SOCS5: variants seen among roughly 807,000 people sequenced by gnomAD.
SOCS5 encodes the protein suppressor of cytokine signaling 5.
SOCS5 carries 32 observed loss-of-function variants against 42.8 expected under a neutral mutation model. That is an observed-to-expected ratio of 0.75 (90% CI 0.56 to 1.01). The LOEUF (loss-of-function observed/expected upper bound fraction) is 1.01. Ranked by LOEUF, SOCS5 falls within the 50% of genes least tolerant of loss-of-function variation. SOCS5 has a pLI of 0.00. For synonymous variants in SOCS5, 283 were observed against 229.6 expected (o/e 1.23, Z -2.10); for missense variants, 627 against 653.0 (o/e 0.96, Z 0.43).
At chr2:46,732,875 A>T (rs1259974396) in intron 1 of SOCS5, among the ~76,000 whole-genome samples, 2 of 152,042 alleles carry the variant, frequency 1.3e-5, no homozygotes, top group African/African-American at 4.8e-5. Context: ...GGGCCATGCG[A>T]GTTAGTCTTT....
intron 1 of SOCS5, among the ~76,000 whole-genome samples, chr2:46,715,792 A>G (rs1345032332): frequency 2.0e-5 from 3 of 152,106 alleles, no homozygotes; most frequent in African/African-American, 7.2e-5. Context: ...GCTTTTTGGA[A>G]GTTTATTGAG....
chr2:46,737,238 A>T (rs1232760675), intron 1 of SOCS5, among the ~76,000 whole-genome samples: 1 of 152,186 alleles, frequency 6.6e-6, no homozygotes, highest in African/African-American at 2.4e-5. Flanking sequence ...AGATTTTAAG[A>T]GTCTCTTAAT....
chr2:46,708,371 A>AT (rs1394052931), intron 1 of SOCS5, among the ~76,000 whole-genome samples: 2 of 152,188 alleles, frequency 1.3e-5, no homozygotes, highest in East Asian at 3.8e-4. Flanking sequence ...ACTGAGTTTA[A>AT]TTTCAGATAA....
At position 46,759,474 on chromosome 2, in the gene SOCS5, C is replaced by T; in HGVS notation, c.944C>T (p.Ser315Phe). ...ATGACTGAAATAAGTGGGGACAGTTCTGCAATTCCACAAGCTAATTGTGAC... is the reference window on the plus strand; with the variant it reads ...ATGACTGAAATAAGTGGGGACAGTTTTGCAATTCCACAAGCTAATTGTGAC... ...PGMTEISGDS[S>F]AIPQANCDSE... Residue 315 changes from serine to phenylalanine, a missense_variant, in exon 2 of 2, where the codon TCT (serine) becomes TTT (phenylalanine). Physicochemically the swap from Ser to Phe is radical, Grantham distance 155. Transcript: ENST00000394861. 1.9e-6 allele frequency: 3 copies of T among 1,614,010 alleles called. No homozygotes were observed. The highest frequency in any genetic ancestry group is 1.7e-6 in the Non-Finnish European group (2 of 1,179,864).
intron 1 of SOCS5, among the ~76,000 whole-genome samples, chr2:46,717,763 AG>A (rs1336784312): frequency 6.6e-6 from 1 of 152,196 alleles, no homozygotes; most frequent in Non-Finnish European, 1.5e-5. Flanking sequence ...CTGTGTTGAA[AG>A]CATGGGGTAT....
At chr2:46,713,417 G>A (rs913412574) in intron 1 of SOCS5, among the ~76,000 whole-genome samples, 5 of 152,084 alleles carry the variant, frequency 3.3e-5, no homozygotes, top group African/African-American at 1.2e-4. Context: ...TTGGTAATTT[G>A]CATTTTGGAG....
At chr2:46,756,359 G>A (rs908274508) in intron 1 of SOCS5, among the ~76,000 whole-genome samples, 5 of 152,166 alleles carry the variant, frequency 3.3e-5, no homozygotes, top group Non-Finnish European at 7.4e-5. Flanking sequence ...AAAGGGGCTA[G>A]ATAGAAAATA....
chr2:46,705,521 T>C (rs1447583603), intron 1 of SOCS5, among the ~76,000 whole-genome samples: 3 of 151,924 alleles, frequency 2.0e-5, no homozygotes, highest in East Asian at 3.8e-4. Context: ...GTTTGTTTTT[T>C]CCTAGATTAC....
chr2:46,709,874 T>A (rs1672578185), intron 1 of SOCS5, among the ~76,000 whole-genome samples: 1 of 152,202 alleles, frequency 6.6e-6, no homozygotes, highest in East Asian at 1.9e-4. Context: ...TAAAATCCCT[T>A]GTATCTTTTT....
rs1255846174 is a variant in SOCS5 at position 46,758,996 on chromosome 2, T to A, written c.466T>A (p.Tyr156Asn). The A allele has an allele frequency of 6.2e-7, 1 of 1,613,990 alleles. No individual in the cohort carries two copies. Among genetic ancestry groups the A allele is most frequent in the South Asian group, 1.1e-5 (1 of 91,082 alleles). ...TGGACTTCAAAGGAGAGAGAGGCGC[T>A]ACGGCGTAAGTTCTGTACACGACAT... ...RSGLQRRERRYGVSSVHDMDS... is the reference protein window; with the variant it reads ...RSGLQRRERRNGVSSVHDMDS... The change falls in exon 2 of 2, where the codon TAC becomes AAC. Residue 156 changes from tyrosine (Y) to asparagine (N), a missense_variant. Around this residue, in one of 3 missense-constraint regions of SOCS5, gnomAD observed 278 missense variants for 246.3 expected, o/e 1.13. Transcript: ENST00000394861.
At chr2:46,703,738 T>G (rs747216819) in intron 1 of SOCS5, among the ~76,000 whole-genome samples, 1 of 152,222 alleles carries the variant, frequency 6.6e-6, no homozygotes, top group Non-Finnish European at 1.5e-5. Flanking sequence ...AATTACTTTC[T>G]TAGTTTCAGT....
At chr2:46,751,282 G>C (rs1365912543) in intron 1 of SOCS5, among the ~76,000 whole-genome samples, 1 of 151,928 alleles carries the variant, frequency 6.6e-6, no homozygotes, top group Admixed American at 6.6e-5. Context: ...CTTTTTTCCA[G>C]AGTTTTATTT....
At position 46,759,221 on chromosome 2, in the gene SOCS5, C is replaced by T. The variant is rs1162452551; in HGVS notation, c.691C>T (p.His231Tyr). 3.7e-6 allele frequency: 6 copies of T among 1,613,670 alleles called. No homozygotes were observed. The highest frequency in any genetic ancestry group is 5.1e-6 in the Non-Finnish European group (6 of 1,179,788). Residue 231 changes from histidine to tyrosine, a missense_variant, in exon 2 of 2, where the codon CAT becomes TAT. This residue lies in a region of SOCS5 where 9 missense variants were observed against 39.1 expected (regional missense o/e 0.23). Transcript: ENST00000394861. ...TGGCTCAGATTTAGCCCAAAAATGG[C>T]ATTTGATTAAACAGCATACAGCTCC... ...PAGSDLAQKWHLIKQHTAPVS... is the reference protein window; with the variant it reads ...PAGSDLAQKWYLIKQHTAPVS...
intron 1 of SOCS5, among the ~76,000 whole-genome samples, chr2:46,744,614 G>T (rs1169303783): frequency 6.7e-6 from 1 of 150,126 alleles, no homozygotes; most frequent in African/African-American, 2.5e-5. Flanking sequence ...TGCAACCTCT[G>T]CCTCCCAGGT....
rs1329160392 is a variant in SOCS5 at position 46,726,304 on chromosome 2, G to T, written c.-13+26855G>T. On this transcript the variant is annotated intron_variant, in intron 1 of 1. Coordinates refer to ENST00000394861, the MANE Select transcript of SOCS5 (RefSeq NM_144949.3). ...GTAGAGACGTGGTTTCACCATACTG[G>T]CCAGACTGATCTAAAACTCCTAACC... Among the ~76,000 whole-genome samples the T allele has an allele frequency of 2.0e-5, 3 of 151,884 alleles. No homozygotes were observed. The East Asian group carries it at 5.8e-4, about 29-fold the overall frequency.
chr2:46,702,309 AG>A (rs570486200), intron 1 of SOCS5, among the ~76,000 whole-genome samples: 1 of 152,336 alleles, frequency 6.6e-6, no homozygotes, highest in South Asian at 2.1e-4. Flanking sequence ...CTCTTTGGTA[AG>A]GGGGTACTTG....
rs182408415 is a variant in SOCS5, at chr2:46,710,046, A to G, written c.-13+10597A>G. 9.8e-5 allele frequency among the ~76,000 whole-genome samples: 15 copies of G among 152,338 alleles called. No homozygotes were observed. The East Asian group carries it at 2.9e-3, about 29-fold the overall frequency. ...GCAAGGGTTCAAGTGATTCTGATAT[A>G]TGTAGTCCTCAGACCAAAGTTTAGG... On this transcript the variant is annotated intron_variant, in intron 1 of 1. Coordinates refer to ENST00000394861, the MANE Select transcript of SOCS5 (RefSeq NM_144949.3).
intron 1 of SOCS5, among the ~76,000 whole-genome samples, chr2:46,715,205 T>C (rs1406139205): frequency 6.6e-6 from 1 of 151,602 alleles, no homozygotes; most frequent in Non-Finnish European, 1.5e-5. Context: ...ACAGTATCTA[T>C]AAAAAAATAA....
chr2:46,748,939 G>A (rs1673566264), intron 1 of SOCS5, among the ~76,000 whole-genome samples: 2 of 152,128 alleles, frequency 1.3e-5, no homozygotes, highest in South Asian at 4.1e-4. Flanking sequence ...CCTAATCAGA[G>A]ACTCTTTTCT....
Sources: gnomAD v4.1 joint callset for allele counts (sites outside exome capture counted in the v4.1 genomes callset) on GRCh38, gnomAD v4.1.1 for gene constraint, gnomAD v4.1.1 regional missense constraint, MANE v1.5 for transcripts, NCBI Gene and HGNC (gene_info 2026-07-23, HGNC 2026-07-21) for gene names.